Variants in KCTD8 observed in about 807,000 individuals in gnomAD.
KCTD8 encodes BTB/POZ domain-containing protein KCTD8.
A neutral mutation model predicts 31.5 loss-of-function variants in KCTD8; 27 were observed. The ratio of observed to expected loss-of-function variants is 0.86; its 90% CI spans 0.63 to 1.18. The LOEUF (loss-of-function observed/expected upper bound fraction) is 1.18. Ranked by LOEUF, KCTD8 falls within the 50% of genes most tolerant of loss-of-function variation. The pLI is 0.00. For missense variants in KCTD8, 658 were observed against 647.7 expected, an observed-to-expected ratio of 1.02 and a Z score of -0.17; for synonymous variants, 290 against 280.0, an observed-to-expected ratio of 1.04 and a Z score of -0.36.
chr4:44,321,039 T>C (rs1437760330), intron 1 of KCTD8, among the ~76,000 whole-genome samples: 1 of 152,208 alleles, frequency 6.6e-6, no homozygotes, highest in Non-Finnish European at 1.5e-5. Flanking sequence ...TCCCTTGTAA[T>C]GCTCATGGGC....
rs184747242 is a variant in KCTD8 at position 44,360,429 on chromosome 4, C to T, written c.961+87134G>A. Among the ~76,000 whole-genome samples the T allele has an allele frequency of 1.2e-3, 175 of 151,972 alleles. 1 individual carries two copies. Among genetic ancestry groups the T allele is most frequent in the East Asian group, 4.6e-3 (24 of 5,184 alleles). ...CATGGATATTTTCATAAAATTGCTA[C>T]GGAAAACTTAGACATAGCCAAAGAA... On this transcript the variant is annotated intron_variant, in intron 1 of 1. Transcript: ENST00000360029.
intron 1 of KCTD8, among the ~76,000 whole-genome samples, chr4:44,376,033 G>A (rs937600080): frequency 6.6e-6 from 1 of 152,086 alleles, no homozygotes; most frequent in Non-Finnish European, 1.5e-5. Flanking sequence ...GATTGAGACT[G>A]CAGTAATTGC....
chr4:44,445,678 C>A (rs1459575298), intron 1 of KCTD8, among the ~76,000 whole-genome samples: 1 of 152,042 alleles, frequency 6.6e-6, no homozygotes, highest in East Asian at 1.9e-4. Flanking sequence ...AAACCAAAAC[C>A]AAGTAAGATT....
chr4:44,349,053 A>T (rs555894237), intron 1 of KCTD8, among the ~76,000 whole-genome samples: 1 of 149,298 alleles, frequency 6.7e-6, no homozygotes, highest in Non-Finnish European at 1.5e-5. Context: ...GCTTAGTAGC[A>T]CCACCATCGC....
intron 1 of KCTD8, among the ~76,000 whole-genome samples, chr4:44,189,651 A>G (rs577766231): frequency 6.6e-6 from 1 of 151,834 alleles, no homozygotes; most frequent in South Asian, 2.1e-4. Flanking sequence ...ACATACATGC[A>G]CACACACACA....
At chr4:44,274,037 A>G (rs1313092876) in intron 1 of KCTD8, among the ~76,000 whole-genome samples, 4 of 151,986 alleles carry the variant, frequency 2.6e-5, no homozygotes, top group Non-Finnish European at 4.4e-5. Flanking sequence ...TCTAAATTTA[A>G]AAAAGATTAT....
chr4:44,400,264 A>C (rs1438377863), intron 1 of KCTD8, among the ~76,000 whole-genome samples: 1 of 152,176 alleles, frequency 6.6e-6, no homozygotes, highest in South Asian at 2.1e-4. Flanking sequence ...TGAATCAGAG[A>C]TAAGATATTT....
chr4:44,405,003 C>T (rs1176263126), intron 1 of KCTD8, among the ~76,000 whole-genome samples: 1 of 152,084 alleles, frequency 6.6e-6, no homozygotes, highest in Admixed American at 6.5e-5. Flanking sequence ...AAAGAAATTA[C>T]AGTTCAAAAT....
chr4:44,380,972 T>C (rs923349740), intron 1 of KCTD8, among the ~76,000 whole-genome samples: 5 of 152,030 alleles, frequency 3.3e-5, no homozygotes, highest in African/African-American at 1.2e-4. Flanking sequence ...CCATTTATTA[T>C]AATTAAAATG....
chr4:44,384,904 T>A (rs982393877), intron 1 of KCTD8, among the ~76,000 whole-genome samples: 3 of 151,606 alleles, frequency 2.0e-5, no homozygotes, highest in African/African-American at 7.3e-5. Context: ...GGTATCCGCA[T>A]AAATATGTAT....
At chr4:44,267,877 G>A (rs1716438988) in intron 1 of KCTD8, among the ~76,000 whole-genome samples, 1 of 152,102 alleles carries the variant, frequency 6.6e-6, no homozygotes, top group Non-Finnish European at 1.5e-5. Context: ...CCAATAACAG[G>A]CTCTTAAATT....
rs1418262119 is a variant in KCTD8, at chr4:44,447,721, C to T, written c.803G>A (p.Arg268His). Residue 268 changes from arginine (R) to histidine (H), a missense_variant, in exon 1 of 2, where the codon CGC becomes CAC. Physicochemically the swap from Arg to His is conservative, Grantham distance 29 (BLOSUM62 0). Transcript: ENST00000360029. ...PDRQPEKYTS[R>H]FYLKFTYLEQ... The stretch of plus-strand genomic sequence containing the variant: ...CAAGTAGGTGAACTTGAGGTAGAAG[C>T]GGGACGTGTACTTCTCCGGCTGCCG... The T allele has an allele frequency of 9.9e-6, 16 of 1,612,248 alleles. No individual in the cohort carries two copies. In the Admixed American group the frequency reaches 2.2e-4, roughly 22 times the overall value.
In KCTD8 at chr4:44,274,561, A is replaced by G. The variant is rs60546581; in HGVS notation, c.962-99311T>C. Among the ~76,000 whole-genome samples the G allele has an allele frequency of 5.4e-3, 813 of 151,898 alleles. 41 individuals carry two copies. In the East Asian group the frequency reaches 0.13, roughly 25 times the overall value. ...GAGTCATTCTTCTGATTTTCACACT[A>G]TTTCTACTATATTGAATTATCAAAT... On this transcript the variant is annotated intron_variant, in intron 1 of 1. Transcript: ENST00000360029.
chr4:44,443,923 A>G (rs1339606037), intron 1 of KCTD8, among the ~76,000 whole-genome samples: 1 of 152,188 alleles, frequency 6.6e-6, no homozygotes, highest in East Asian at 1.9e-4. Context: ...CTCAGCAGAC[A>G]TCTCTTAAAA....
intron 1 of KCTD8, among the ~76,000 whole-genome samples, chr4:44,441,381 A>T (rs1352365355): frequency 1.3e-5 from 2 of 152,192 alleles, no homozygotes; most frequent in South Asian, 4.1e-4. Flanking sequence ...CATGAATACG[A>T]TAGCATTAAT....
intron 1 of KCTD8, among the ~76,000 whole-genome samples, chr4:44,413,344 T>G (rs528578862): frequency 6.6e-6 from 1 of 152,268 alleles, no homozygotes; most frequent in East Asian, 1.9e-4. Flanking sequence ...AGCAGTTTGA[T>G]GGAAGTAAAC....
intron 1 of KCTD8, among the ~76,000 whole-genome samples, chr4:44,193,340 G>A (rs1354254180): frequency 6.6e-6 from 1 of 152,058 alleles, no homozygotes; most frequent in East Asian, 1.9e-4. Flanking sequence ...TATGAAACTT[G>A]ACAGGTCATA....
At chr4:44,179,716 G>A (rs1713323642) in intron 1 of KCTD8, among the ~76,000 whole-genome samples, 1 of 151,666 alleles carries the variant, frequency 6.6e-6, no homozygotes, top group Admixed American at 6.6e-5. Context: ...TAAATCATTA[G>A]GGATCACTAA....
intron 1 of KCTD8, among the ~76,000 whole-genome samples, chr4:44,326,656 C>CTGGTTATCTCTT: frequency 6.6e-6 from 1 of 151,902 alleles, no homozygotes; most frequent in East Asian, 1.9e-4. Flanking sequence ...AGTTGTTTGT[C>CTGGTTATCTCTT]TGGTTATCTC....
Sources: allele counts gnomAD v4.1 joint callset (sites outside exome capture counted in the v4.1 genomes callset), GRCh38; gene constraint gnomAD v4.1.1; transcripts MANE v1.5; gene names NCBI Gene and HGNC (gene_info 2026-07-23, HGNC 2026-07-21).